Variants in CCDC125 observed in about 807,000 individuals in gnomAD.
CCDC125 encodes coiled-coil domain-containing protein 125.
A neutral mutation model predicts 57.4 loss-of-function variants in CCDC125; 43 were observed. That is an observed-to-expected ratio of 0.75 (90% CI 0.59 to 0.97). The LOEUF is 0.97. CCDC125 is among the 50% of genes least tolerant of loss of function. CCDC125 has a pLI of 0.00. For synonymous variants in CCDC125, 187 were observed against 195.2 expected (o/e 0.96, Z 0.35); for missense variants, 563 against 595.7 (o/e 0.95, Z 0.57).
chr5:69,293,173 C>G (rs1379299128), intron 9 of CCDC125, among the ~76,000 whole-genome samples: 1 of 151,904 alleles, frequency 6.6e-6, no homozygotes, highest in Non-Finnish European at 1.5e-5. Context: ...GTCTCTCACT[C>G]TGTCACCCAG....
intron 1 of CCDC125, among the ~76,000 whole-genome samples, chr5:69,325,560 T>C (rs1760624054): frequency 6.6e-6 from 1 of 150,560 alleles, no homozygotes; most frequent in Admixed American, 6.6e-5. Context: ...GCACAGTGGC[T>C]CACGTCTGTA....
chr5:69,274,666 A>T, the CCDC125 span, among the ~76,000 whole-genome samples: 1 of 152,038 alleles, frequency 6.6e-6, no homozygotes, highest in Non-Finnish European at 1.5e-5. Flanking sequence ...CCCAGGCTGG[A>T]GTGCAGTGGC....
downstream of CCDC125, among the ~76,000 whole-genome samples, chr5:69,277,769 CAAA>C (rs200595059): frequency 3.0e-5 from 4 of 131,160 alleles, no homozygotes; most frequent in African/African-American, 5.4e-5. Context: ...GACACAGTCT[CAAA>C]AAAAAAAAAA....
intron 7 of CCDC125, 47 bp downstream of exon 7, chr5:69,303,800 G>T: frequency 9.4e-7 from 1 of 1,064,026 alleles, no homozygotes. Flanking sequence ...ATACTAGCAT[G>T]TTATCTTTAT....
chr5:69,276,154 G>A (rs967668383), downstream of CCDC125, among the ~76,000 whole-genome samples: 3 of 151,942 alleles, frequency 2.0e-5, no homozygotes, highest in East Asian at 5.8e-4. Flanking sequence ...TCAGCCTCCC[G>A]AGTAGTGGGG....
chr5:69,290,619 T>C (rs1754264175), intron 10 of CCDC125, among the ~76,000 whole-genome samples: 1 of 137,568 alleles, frequency 7.3e-6, no homozygotes, highest in Non-Finnish European at 1.5e-5. Context: ...CTTTTTTTTT[T>C]CTTTTTTTTC....
chr5:69,313,462 G>A (rs574099871), intron 3 of CCDC125: 21 of 1,239,948 alleles, frequency 1.7e-5, no homozygotes, highest in Middle Eastern at 2.3e-4. Context: ...ATAGTAGTTT[G>A]CTTGTAATTC....
chr5:69,294,185 A>G, intron 9 of CCDC125: 1 of 959,172 alleles, frequency 1.0e-6, no homozygotes, highest in Non-Finnish European at 1.2e-6. Context: ...ATAAATGTAC[A>G]TTTTCCTTCT....
chr5:69,299,895 C>G lies in CCDC125; in HGVS notation c.816+117G>C, dbSNP rs924296237. On this transcript the variant is annotated intron_variant, in intron 8 of 11. Transcript: ENST00000396496. ...CCTGGGCCCAGGGGCGTCTCTCACT[C>G]CCATCCTCAAATTGCTAAGTATGTG... 5 of 824,052 alleles carry G rather than the reference C, an allele frequency of 6.1e-6. No homozygotes were observed. The South Asian group carries it at 6.1e-5, about 10-fold the overall frequency. 51.0% of individuals were successfully genotyped at this position (824,052 alleles called of 1,614,324 possible).
intron 8 of CCDC125, among the ~76,000 whole-genome samples, chr5:69,299,024 A>C (rs1755878258): frequency 6.6e-6 from 1 of 152,184 alleles, no homozygotes; most frequent in East Asian, 1.9e-4. Flanking sequence ...CAATGTATGT[A>C]AAGTTCTTAG....
At chr5:69,320,054 G>A (rs1759771584) in intron 2 of CCDC125, among the ~76,000 whole-genome samples, 183 bp downstream of exon 2, 1 of 152,106 alleles carries the variant, frequency 6.6e-6, no homozygotes, top group African/African-American at 2.4e-5. Context: ...CCGGGGGGTG[G>A]AGGTTGCAGT....
At chr5:69,289,489 A>T (rs1014314275) in intron 10 of CCDC125, among the ~76,000 whole-genome samples, 1 of 152,232 alleles carries the variant, frequency 6.6e-6, no homozygotes, top group African/African-American at 2.4e-5. Context: ...TGAACATTAA[A>T]GTTGTACCTT....
chr5:69,277,081 T>C (rs777416496), downstream of CCDC125: 4 of 1,577,176 alleles, frequency 2.5e-6, no homozygotes, highest in African/African-American at 1.4e-5. Context: ...ACAACTTTTT[T>C]TTTTCTTGTT....
rs146206606 is a variant in CCDC125 at position 69,283,018 on chromosome 5, T to G, written c.1247A>C (p.Glu416Ala). 1,058 of 1,592,188 alleles carry G rather than the reference T, an allele frequency of 6.6e-4. 6 individuals are homozygous for G. The highest frequency in any genetic ancestry group is 2.4e-3 in the Middle Eastern group (14 of 5,932). ...MLIDLLNDKEEALAHQRKVSY... is the reference protein window; with the variant it reads ...MLIDLLNDKEAALAHQRKVSY... ...AACTTTTCTTTGATGAGCCAAAGCT[T>G]CTTCTTTATCATTAAGCTGCATGCA... The change falls in exon 12 of 12, where the codon GAA becomes GCA. Residue 416 changes from glutamate to alanine, a missense_variant. By Grantham distance (107) the Glu-to-Ala change is moderately radical. Transcript: ENST00000396496.
intron 6 of CCDC125, among the ~76,000 whole-genome samples, 173 bp downstream of exon 6, chr5:69,306,643 AT>A (rs1024712116): frequency 2.6e-5 from 4 of 152,030 alleles, no homozygotes; most frequent in Non-Finnish European, 4.4e-5. Context: ...AGCCTATGCT[AT>A]TTTTTTTCTT....
chr5:69,331,417 A>G (rs2150704404), intron 1 of CCDC125, among the ~76,000 whole-genome samples: 1 of 151,926 alleles, frequency 6.6e-6, no homozygotes, highest in Non-Finnish European at 1.5e-5. Context: ...ATTTTTGTAG[A>G]GACGGGGTTT....
chr5:69,299,268 C>A (rs903026252), intron 8 of CCDC125, among the ~76,000 whole-genome samples: 10 of 152,168 alleles, frequency 6.6e-5, no homozygotes, highest in South Asian at 6.2e-4. Flanking sequence ...CGCCACCGCG[C>A]CTGGCTAATT....
At chr5:69,293,858 A>G (rs1754897381) in intron 9 of CCDC125, among the ~76,000 whole-genome samples, 2 of 152,200 alleles carry the variant, frequency 1.3e-5, no homozygotes, top group Non-Finnish European at 2.9e-5. Context: ...GTACTACTGT[A>G]TTTGTAAGTA....
At chr5:69,316,766 G>A (rs1031506404) in intron 2 of CCDC125, among the ~76,000 whole-genome samples, 1 of 151,908 alleles carries the variant, frequency 6.6e-6, no homozygotes, top group Non-Finnish European at 1.5e-5. Context: ...TCCCACCTCG[G>A]CCTCCCAAAA....
Sources: gnomAD v4.1 joint callset for allele counts (sites outside exome capture counted in the v4.1 genomes callset) on GRCh38, gnomAD v4.1.1 for gene constraint, MANE v1.5 for transcripts, NCBI Gene and HGNC (gene_info 2026-07-23, HGNC 2026-07-21) for gene names.